Variants in CC2D2B observed in about 807,000 individuals in gnomAD.
CC2D2B encodes protein CC2D2B.
CC2D2B carries 128 observed loss-of-function variants against 161.2 expected under a neutral mutation model. That is an observed-to-expected ratio of 0.79 (90% confidence interval 0.69 to 0.92). CC2D2B has a LOEUF of 0.92. Ranked by LOEUF, CC2D2B falls within the 40% of genes least tolerant of loss-of-function variation. CC2D2B has a pLI of 0.00. For synonymous variants in CC2D2B, 391 were observed against 449.8 expected, an observed-to-expected ratio of 0.87 and a Z score of 1.65; for missense variants, 1,173 against 1,375.1, an observed-to-expected ratio of 0.85 and a Z score of 2.32.
intron 29 of CC2D2B, among the ~76,000 whole-genome samples, chr10:96,015,231 A>ATTT (rs58739011): frequency 0.27 from 30,184 of 110,910 alleles, 4,691 homozygotes; most frequent in East Asian, 0.5. Context: ...GGCCCAGCTA[A>ATTT]TTTTTTTTTT....
At chr10:96,016,154 T>G in intron 29 of CC2D2B, 47 bp from the exon 30 acceptor site, 1 of 1,288,976 alleles carries the variant, frequency 7.8e-7, no homozygotes, top group Non-Finnish European at 1.1e-6. Context: ...TACTCAACTT[T>G]CCCGCACTTT....
intron 9 of CC2D2B, among the ~76,000 whole-genome samples, chr10:95,943,205 T>A (rs1373422350): frequency 1.3e-5 from 2 of 152,196 alleles, no homozygotes; most frequent in African/African-American, 4.8e-5. Flanking sequence ...TAGCTGCTGT[T>A]TTTAAGTTGG....
intron 33 of CC2D2B, among the ~76,000 whole-genome samples, chr10:96,025,331 T>C (rs961053678): frequency 1.5e-5 from 2 of 135,210 alleles, no homozygotes; most frequent in Non-Finnish European, 3.1e-5. Flanking sequence ...CACACCACTG[T>C]GTTTCAGCCT....
intron 9 of CC2D2B, among the ~76,000 whole-genome samples, chr10:95,939,984 G>A (rs2075966971): frequency 6.6e-6 from 1 of 152,118 alleles, no homozygotes; most frequent in African/African-American, 2.4e-5. Flanking sequence ...TAAAAGAGGT[G>A]TAATTGGCTC....
chr10:96,020,576 A>C (rs2079408078), intron 32 of CC2D2B: 1 of 152,216 alleles, frequency 6.6e-6, no homozygotes, highest in Admixed American at 6.6e-5. Flanking sequence ...GCAATTGCAC[A>C]GTCCACAAAT....
At chr10:96,007,700 T>A (rs1274843100) in intron 25 of CC2D2B, among the ~76,000 whole-genome samples, 1 of 152,024 alleles carries the variant, frequency 6.6e-6, no homozygotes, top group African/African-American at 2.4e-5. Flanking sequence ...GGAATCAGGG[T>A]TTTAGCAGCT....
At chr10:95,947,078 C>CAAAAAAAAA (rs368168752) in intron 9 of CC2D2B, among the ~76,000 whole-genome samples, 44 of 52,010 alleles carry the variant, frequency 8.5e-4, no homozygotes, top group East Asian at 1.2e-3. Flanking sequence ...ATAGTGGACT[C>CAAAAAAAAA]AAAAATATAT....
rs1438879964 is a variant in CC2D2B at position 95,951,695 on chromosome 10, C to G, written c.1011+1590C>G. Reference sequence around the variant, plus strand: ...ATTTTTTCCCACAATATTATAGAATCTTTAAAATCTGATTTAGCAATATCA... The same window carrying G: ...ATTTTTTCCCACAATATTATAGAATGTTTAAAATCTGATTTAGCAATATCA... On this transcript the variant is annotated intron_variant, in intron 10 of 34. Transcript: ENST00000646931. Among the ~76,000 whole-genome samples the G allele has an allele frequency of 2.0e-5, 3 of 152,084 alleles. No homozygotes were observed. In the East Asian group the frequency reaches 5.8e-4, roughly 29 times the overall value.
chr10:96,029,260 A>ATATATATATATATATATATATATATG (rs1398551783), intron 34 of CC2D2B, among the ~76,000 whole-genome samples: 1 of 51,148 alleles, frequency 2.0e-5, no homozygotes, highest in African/African-American at 1.2e-4. Context: ...ATATATATAT[A>ATATATATATATATATATATATATATG]TATATATATA....
intron 25 of CC2D2B, among the ~76,000 whole-genome samples, chr10:96,008,556 A>G (rs2078855263): frequency 6.6e-6 from 1 of 152,090 alleles, no homozygotes; most frequent in Non-Finnish European, 1.5e-5. Flanking sequence ...ACTTTCTTAC[A>G]AACACTTGGT....
intron 14 of CC2D2B, among the ~76,000 whole-genome samples, chr10:95,967,296 G>T (rs867450581): frequency 6.6e-6 from 1 of 152,086 alleles, no homozygotes; most frequent in Non-Finnish European, 1.5e-5. Context: ...ACAAGGGGAA[G>T]AATACAGGAG....
At chr10:95,918,820 C>T (rs921496171) in intron 2 of CC2D2B, 7 of 151,980 alleles carry the variant, frequency 4.6e-5, no homozygotes, top group Non-Finnish European at 5.9e-5. Context: ...TCTTTTGTCT[C>T]CTCTGACTGT....
chr10:95,924,221 G>A, intron 3 of CC2D2B, 93 bp from the exon 4 acceptor site: 1 of 597,196 alleles, frequency 1.7e-6, no homozygotes, highest in Non-Finnish European at 2.8e-6. Context: ...AGAAATGCAT[G>A]CAATTAAAGA....
chr10:95,967,483 G>A (rs891525551), intron 14 of CC2D2B, among the ~76,000 whole-genome samples: 2 of 151,942 alleles, frequency 1.3e-5, no homozygotes, highest in Non-Finnish European at 2.9e-5. Context: ...ACACCCAGTA[G>A]AATAAAAACT....
In CC2D2B at chr10:96,000,259, T is replaced by C. The variant is rs1012563430; in HGVS notation, c.2850-3893T>C. ...TGCGTTCATCATTTTGGCGAATTAC[T>C]GGAAGATGGCTGCTCCAGCCGAAAG... On this transcript the variant is annotated intron_variant, in intron 24 of 34. Coordinates refer to ENST00000646931, the MANE Select transcript of CC2D2B (RefSeq NM_001349008.3). The C allele has an allele frequency of 6.7e-6, 8 of 1,185,204 alleles. No individual in the cohort carries two copies. The African/African-American group carries it at 1.3e-4, about 19-fold the overall frequency. 73.4% of individuals were successfully genotyped at this position (1,185,204 alleles called of 1,614,324 possible). A position where few individuals can be genotyped will look rare whatever the true frequency, so the allele number is the denominator to read the frequency against.
chr10:95,982,803 C>T (rs752065843), intron 18 of CC2D2B, among the ~76,000 whole-genome samples: 2 of 152,008 alleles, frequency 1.3e-5, no homozygotes, highest in Non-Finnish European at 2.9e-5. Flanking sequence ...GATGGACTCT[C>T]GTTCTGTTGC....
intron 34 of CC2D2B, 146 bp from the exon 35 acceptor site, chr10:96,031,673 CT>C: frequency 1.4e-6 from 1 of 694,512 alleles, no homozygotes; most frequent in East Asian, 2.5e-5. Flanking sequence ...TTAGCTGTAC[CT>C]AGAACATAAT....
chr10:95,944,614 A>G (rs2076134019), intron 9 of CC2D2B, among the ~76,000 whole-genome samples: 1 of 152,224 alleles, frequency 6.6e-6, no homozygotes, highest in African/African-American at 2.4e-5. Context: ...GAATGAATGA[A>G]TAAATGAACA....
rs1227731797 is a variant in CC2D2B, at chr10:95,993,934, GTGTGTGTGTA to G, written c.2642+1241_2642+1250del. ...TGTGTGTGTGTGTGTGTGTGTGTGT[GTGTGTGTGTA>G]TGTATGTGTATATATATATATATAT... On this transcript the variant is annotated intron_variant, in intron 22 of 34. Coordinates refer to ENST00000646931, the MANE Select transcript of CC2D2B (RefSeq NM_001349008.3). 2.6e-3 allele frequency among the ~76,000 whole-genome samples: 33 copies of G among 12,822 alleles called. 1 individual carries two copies. The highest frequency in any genetic ancestry group is 8.2e-3 in the East Asian group (2 of 244). 8.4% of individuals were successfully genotyped at this position (12,822 alleles called of 152,430 possible).
Sources: allele counts gnomAD v4.1 joint callset (sites outside exome capture counted in the v4.1 genomes callset), GRCh38; gene constraint gnomAD v4.1.1; transcripts MANE v1.5; gene names NCBI Gene and HGNC (gene_info 2026-07-23, HGNC 2026-07-21).